The following ADPRHL1 variants were observed in gnomAD, a reference collection of about 807,000 sequenced individuals.
The protein encoded by ADPRHL1 is ADP-ribosylhydrolase like 1.
ADPRHL1 carries 43 observed loss-of-function variants against 44.1 expected under a neutral mutation model. The ratio of observed to expected loss-of-function variants is 0.98; its 90% CI spans 0.76 to 1.26. ADPRHL1 has a LOEUF of 1.26. Among genes scored for constraint, ADPRHL1 ranks in the 50% most tolerant of loss-of-function variants. ADPRHL1 has a pLI of 0.00. For synonymous variants in ADPRHL1, 878 were observed against 1,017.4 expected, an observed-to-expected ratio of 0.86 and a Z score of 2.61; for missense variants, 2,022 against 2,496.9, an observed-to-expected ratio of 0.81 and a Z score of 4.05.
rs185241466 is a variant in ADPRHL1 at position 113,404,537 on chromosome 13, C to T, written c.4745G>A (p.Gly1582Glu). 6,336 of 1,302,822 alleles carry T rather than the reference C, an allele frequency of 4.9e-3. 27 individuals carry two copies. Among genetic ancestry groups the T allele is most frequent in the Non-Finnish European group, 5.4e-3 (5,596 of 1,031,354 alleles). 80.7% of individuals were successfully genotyped at this position (1,302,822 alleles called of 1,614,324 possible). Reference protein sequence around the residue: ...AQGGAQGQVQGQAQKWAQGQI... With the variant: ...AQGGAQGQVQEQAQKWAQGQI... ...CCCCTGAGCCCATTTCTGGGCCTGT[C>T]CCTGAACCTGTCCCTGGGCCCCACC... Residue 1582 changes from glycine (G) to glutamate (E), a missense_variant, in exon 8 of 8, where the codon GGA (glycine) becomes GAA (glutamate). Around this residue, in one of 8 missense-constraint regions of ADPRHL1, gnomAD observed 78 missense variants for 76.5 expected, o/e 1.02. Coordinates refer to ENST00000612156, the MANE Select transcript of ADPRHL1 (RefSeq NM_001394807.1).
rs552255217 is a variant in ADPRHL1, at chr13:113,403,289, A to G, written c.*89T>C. ...CAGGCGTCTCTGTAGGGGATGCTCCAAGACGCATTTGGAGGCAGGAAAATG... is the reference window on the plus strand; with the variant it reads ...CAGGCGTCTCTGTAGGGGATGCTCCGAGACGCATTTGGAGGCAGGAAAATG... On this transcript the variant is annotated 3_prime_UTR_variant, in exon 8 of 8. Coordinates refer to ENST00000612156, the MANE Select transcript of ADPRHL1 (RefSeq NM_001394807.1). 2 of 1,095,630 alleles carry G rather than the reference A, an allele frequency of 1.8e-6. No individual in the cohort carries two copies. The highest frequency in any genetic ancestry group is 9.5e-5 in the South Asian group (2 of 21,078). 67.9% of individuals were successfully genotyped at this position (1,095,630 alleles called of 1,614,324 possible).
chr13:113,448,426 A>G (rs2044156784), intron 1 of ADPRHL1, among the ~76,000 whole-genome samples: 1 of 136,304 alleles, frequency 7.3e-6, no homozygotes, highest in Admixed American at 8.6e-5. Flanking sequence ...AGATCGCGCC[A>G]CTGTACTCCA....
intron 2 of ADPRHL1, 26 bp downstream of exon 2, chr13:113,444,399 G>A (rs757968307): frequency 1.9e-6 from 3 of 1,609,386 alleles, no homozygotes; most frequent in African/African-American, 1.3e-5. Context: ...GGTGGCTTTA[G>A]GGGGAGAGGA....
intron 6 of ADPRHL1, 131 bp downstream of exon 6, chr13:113,424,086 A>C: frequency 2.5e-4 from 313 of 1,243,004 alleles, no homozygotes; most frequent in Non-Finnish European, 3.0e-4. Flanking sequence ...CCAGAAAGGA[A>C]GAGATGGACG....
intron 7 of ADPRHL1, among the ~76,000 whole-genome samples, chr13:113,414,919 C>T (rs985552508): frequency 6.6e-6 from 1 of 152,020 alleles, no homozygotes; most frequent in Non-Finnish European, 1.5e-5. Context: ...ATGATCCATG[C>T]CCCTCAGCCT....
chr13:113,400,088 TTAA>T lies in ADPRHL1; in HGVS notation c.*3287_*3289del, dbSNP rs1228092134. 3 of 151,744 alleles carry T rather than the reference TTAA, an allele frequency of 2.0e-5. No individual in the cohort carries two copies. The highest frequency in any genetic ancestry group is 2.9e-5 in the Non-Finnish European group (2 of 67,904). 9.4% of individuals were successfully genotyped at this position (151,744 alleles called of 1,614,324 possible). ...CAACGAGTCGCTCAACTACACAAAA[TTAA>T]TGATGTTAACTAAGAAGCTAAAATA... is the stretch of plus-strand genomic sequence containing the variant. On this transcript the variant is annotated 3_prime_UTR_variant, in exon 8 of 8. Transcript: ENST00000612156.
At chr13:113,415,527 C>T (rs547034474) in intron 7 of ADPRHL1, among the ~76,000 whole-genome samples, 5 of 152,142 alleles carry the variant, frequency 3.3e-5, no homozygotes, top group South Asian at 2.1e-4. Flanking sequence ...CCGAGGCAGG[C>T]GGATCACGAG....
rs1050548864 is a variant in ADPRHL1, at chr13:113,406,384, G to A, written c.2898C>T (p.His966=). The A allele has an allele frequency of 1.7e-5, 21 of 1,231,976 alleles. No homozygotes were observed. The highest frequency in any genetic ancestry group is 6.2e-4 in the Middle Eastern group (2 of 3,230). The allele number at this position is 1,231,976 out of a possible 1,614,324, so 76.3% of individuals were successfully genotyped here. A position where few individuals can be genotyped will look rare whatever the true frequency, so the allele number is the denominator to read the frequency against. ...KENKGSFENS[H]GPRNPDDISG... is the part of the protein sequence containing the mutation. Reference sequence around the variant, plus strand: ...AAATATCGTCAGGATTCCTGGGACCGTGTGAATTCTCAAAGCTGCCTTTGT... The same window carrying A: ...AAATATCGTCAGGATTCCTGGGACCATGTGAATTCTCAAAGCTGCCTTTGT... Residue 966 remains histidine, a synonymous_variant, in exon 8 of 8, where the codon CAC becomes CAT. Transcript: ENST00000612156.
chr13:113,452,418 C>T (rs898751471), intron 1 of ADPRHL1, among the ~76,000 whole-genome samples: 2 of 152,132 alleles, frequency 1.3e-5, no homozygotes, highest in African/African-American at 2.4e-5. Context: ...GTGGAGTGAA[C>T]GCATAAGTGA....
At chr13:113,434,690 G>A (rs1480346275) in intron 2 of ADPRHL1, among the ~76,000 whole-genome samples, 9 of 137,190 alleles carry the variant, frequency 6.6e-5, no homozygotes, top group South Asian at 2.5e-4. Flanking sequence ...GCACCCAGGT[G>A]TAGAGTGAAC....
chr13:113,448,077 G>T (rs1416836784), intron 1 of ADPRHL1, among the ~76,000 whole-genome samples: 1 of 152,210 alleles, frequency 6.6e-6, no homozygotes, highest in African/African-American at 2.4e-5. Flanking sequence ...TAGAATTTAA[G>T]CGAGAAACAG....
chr13:113,409,990 CAA>C lies in ADPRHL1; in HGVS notation c.1062-1772_1062-1771del, dbSNP rs2043840435. 2 of 985,164 alleles carry C rather than the reference CAA, an allele frequency of 2.0e-6. No individual in the cohort carries two copies. The highest frequency in any genetic ancestry group is 1.7e-5 in the African/African-American group (1 of 57,268). 61.0% of individuals were successfully genotyped at this position (985,164 alleles called of 1,614,324 possible). ...CTTTTTGTGTTTGTCTGCATTTTTC[CAA>C]AAGAGAGAGCTCTGTTTTGAAGCCA... On this transcript the variant is annotated intron_variant, in intron 7 of 7. Coordinates refer to ENST00000612156, the MANE Select transcript of ADPRHL1 (RefSeq NM_001394807.1). This position sits in a 1 kb window ranked among gnomAD's most constrained non-coding sequence, Gnocchi z 4.2.
At chr13:113,420,880 AC>A (rs1306596824) in intron 7 of ADPRHL1, among the ~76,000 whole-genome samples, 1 of 56,426 alleles carries the variant, frequency 1.8e-5, no homozygotes, top group African/African-American at 6.3e-5. Flanking sequence ...GGACCCGCCC[AC>A]CCCCGGGACC....
chr13:113,427,786 G>A (rs1161071023), intron 4 of ADPRHL1, among the ~76,000 whole-genome samples: 2 of 152,224 alleles, frequency 1.3e-5, no homozygotes, highest in Non-Finnish European at 2.9e-5. Context: ...GACTGTGTGC[G>A]GACGCTGACT....
chr13:113,413,005 CCACCG>C lies in ADPRHL1; in HGVS notation c.1062-4790_1062-4786del, dbSNP rs2139604428. 1.7e-5 allele frequency among the ~76,000 whole-genome samples: 2 copies of C among 118,806 alleles called. 1 individual carries two copies. The highest frequency in any genetic ancestry group is 3.4e-5 in the Non-Finnish European group (2 of 58,842). The allele number at this position is 118,806 out of a possible 152,430, so 77.9% of individuals were successfully genotyped here. On this transcript the variant is annotated intron_variant, in intron 7 of 7. Transcript: ENST00000612156. ...CAGCGCCCCGCAGAGCTCGGTTCACCCACCGCCAACAGCGCCCCGCAGAGCTCGGT... is the reference window on the plus strand; with the variant it reads ...CAGCGCCCCGCAGAGCTCGGTTCACCCCAACAGCGCCCCGCAGAGCTCGGT...
At position 113,419,381 on chromosome 13, in the gene ADPRHL1, T is replaced by G. The variant is rs542346574; in HGVS notation, c.1061+3445A>C. On this transcript the variant is annotated intron_variant, in intron 7 of 7. Coordinates refer to ENST00000612156, the MANE Select transcript of ADPRHL1 (RefSeq NM_001394807.1). Reference sequence around the variant, plus strand: ...ATCCTCCCGCCTCAGCCTCCCAAAGTGCTGGGATTACAAGCCTGAGCCACC... The same window carrying G: ...ATCCTCCCGCCTCAGCCTCCCAAAGGGCTGGGATTACAAGCCTGAGCCACC... Among the ~76,000 whole-genome samples the G allele has an allele frequency of 3.4e-5, 5 of 148,320 alleles. No homozygotes were observed. The Admixed American group carries it at 3.4e-4, about 10-fold the overall frequency.
At chr13:113,433,528 C>T (rs2044021814) in intron 3 of ADPRHL1, among the ~76,000 whole-genome samples, 1 of 152,190 alleles carries the variant, frequency 6.6e-6, no homozygotes, top group African/African-American at 2.4e-5. Flanking sequence ...TCGATGTGAA[C>T]CCACAAGATT....
At position 113,403,941 on chromosome 13, in the gene ADPRHL1, A is replaced by G; in HGVS notation, c.5341T>C (p.Trp1781Arg). The G allele has an allele frequency of 7.9e-7, 1 of 1,260,370 alleles. No individual in the cohort carries two copies. Among genetic ancestry groups the G allele is most frequent in the Non-Finnish European group, 9.9e-7 (1 of 1,010,998 alleles). The allele number at this position is 1,260,370 out of a possible 1,614,324, so 78.1% of individuals were successfully genotyped here. ...WARDRARDQG[W>R]EQTQIETQRQ... The stretch of plus-strand genomic sequence containing the variant: ...TGAGTCTCTATCTGGGTCTGCTCCC[A>G]GCCCTGATCCCGAGCCCGATCCCGA... The change falls in exon 8 of 8, where the codon TGG becomes CGG. Residue 1781 changes from tryptophan (W) to arginine (R), a missense_variant. By Grantham distance (101) the Trp-to-Arg change is moderately radical. Around this residue, in one of 8 missense-constraint regions of ADPRHL1, gnomAD observed 205 missense variants for 250.1 expected, o/e 0.82. Transcript: ENST00000612156.
At position 113,425,182 on chromosome 13, in the gene ADPRHL1, A is replaced by G; in HGVS notation, c.647-3T>C. 5 of 1,611,958 alleles carry G rather than the reference A, an allele frequency of 3.1e-6. No individual in the cohort carries two copies. Among genetic ancestry groups the G allele is most frequent in the Non-Finnish European group, 4.2e-6 (5 of 1,179,574 alleles). On this transcript the variant is annotated splice_region_variant and splice_polypyrimidine_tract_variant and intron_variant, in intron 4 of 7. Transcript: ENST00000612156. ...GTAAAACCAGTGCTCCTGGTATTCT[A>G]AACATAAAGAACAAGGGGAGCTGAA...
Sources: allele counts gnomAD v4.1 joint callset (sites outside exome capture counted in the v4.1 genomes callset), GRCh38; gene constraint gnomAD v4.1.1; regional missense constraint gnomAD v4.1.1; non-coding constraint Gnocchi (gnomAD v3.1); transcripts MANE v1.5; gene names NCBI Gene and HGNC (gene_info 2026-07-23, HGNC 2026-07-21).